AKAP6: variants seen among roughly 807,000 people sequenced by gnomAD.
The protein encoded by AKAP6 is A-kinase anchor protein 6.
AKAP6 carries 58 observed loss-of-function variants against 188.5 expected under a neutral mutation model. That is an observed-to-expected ratio of 0.31 (90% CI 0.25 to 0.38). The LOEUF (loss-of-function observed/expected upper bound fraction) is 0.38. Ranked by LOEUF, AKAP6 falls within the 10% of genes least tolerant of loss-of-function variation. The probability of loss-of-function intolerance (pLI) is 1.00; values close to 1 mark genes in which losing one functional copy is unlikely to be tolerated. For missense variants in AKAP6, 2,710 were observed against 2,740.0 expected (o/e 0.99, Z 0.24); for synonymous variants, 989 against 998.6 (o/e 0.99, Z 0.18).
At chr14:32,360,259 C>T (rs1354142989) in intron 1 of AKAP6, among the ~76,000 whole-genome samples, 1 of 152,030 alleles carries the variant, frequency 6.6e-6, no homozygotes, top group East Asian at 1.9e-4. Context: ...TCCTGAGTAG[C>T]TGGGATTGCA....
intron 7 of AKAP6, among the ~76,000 whole-genome samples, chr14:32,610,466 G>A (rs1484391191): frequency 6.6e-6 from 1 of 152,140 alleles, no homozygotes; most frequent in African/African-American, 2.4e-5. Flanking sequence ...ACTACAACAT[G>A]ATGATGTAGC....
chr14:32,692,708 G>A (rs190506807), intron 8 of AKAP6, among the ~76,000 whole-genome samples: 1 of 152,136 alleles, frequency 6.6e-6, no homozygotes, highest in East Asian at 1.9e-4. Context: ...CATTCACCAG[G>A]GACTATGCTG....
At chr14:32,735,606 G>A (rs527546083) in intron 10 of AKAP6, 52 bp from the exon 11 acceptor site, 2 of 1,317,946 alleles carry the variant, frequency 1.5e-6, no homozygotes, top group African/African-American at 1.5e-5. Context: ...TGTTCGTGGG[G>A]TTTTTTTTTG....
intron 3 of AKAP6, among the ~76,000 whole-genome samples, chr14:32,540,309 C>T (rs1882891503): frequency 6.6e-6 from 1 of 151,390 alleles, no homozygotes; most frequent in African/African-American, 2.4e-5. Flanking sequence ...AGCAATTCTC[C>T]TGCCTCAGCC....
intron 12 of AKAP6, among the ~76,000 whole-genome samples, chr14:32,818,811 C>A (rs566651237): frequency 1.3e-5 from 2 of 152,182 alleles, no homozygotes; most frequent in East Asian, 3.9e-4. Context: ...CCATGTGAGC[C>A]CCTAGGTTTG....
At chr14:32,703,209 T>A (rs1359145235) in intron 9 of AKAP6, among the ~76,000 whole-genome samples, 1 of 149,078 alleles carries the variant, frequency 6.7e-6, no homozygotes, top group Non-Finnish European at 1.5e-5. Flanking sequence ...GGATGGAGAG[T>A]GGAGAGTGAG....
rs534841074 is a variant in AKAP6, at chr14:32,732,765, C to T, written c.3147+165C>T. On this transcript the variant is annotated intron_variant, in intron 10 of 13. Transcript: ENST00000280979. The stretch of plus-strand genomic sequence containing the variant: ...TATTATGGGAAAGACACTGCTTTTC[C>T]TCTTCTGTTGATTTTTTTTTTTTCT... 15 of 813,570 alleles carry T rather than the reference C, an allele frequency of 1.8e-5. No individual in the cohort carries two copies. The South Asian group carries it at 2.3e-4, about 13-fold the overall frequency. The allele number at this position is 813,570 out of a possible 1,614,324, so 50.4% of individuals were successfully genotyped here.
At chr14:32,374,116 C>A (rs1185866914) in intron 1 of AKAP6, among the ~76,000 whole-genome samples, 2 of 152,158 alleles carry the variant, frequency 1.3e-5, no homozygotes, top group Non-Finnish European at 2.9e-5. Context: ...GTCTGGTGTT[C>A]AGTTTAATTC....
intron 7 of AKAP6, among the ~76,000 whole-genome samples, chr14:32,626,648 G>T (rs1887037024): frequency 6.6e-6 from 1 of 151,900 alleles, no homozygotes. Context: ...CCTCAGGGTG[G>T]GTGCTCTTCT....
rs749775072 is a variant in AKAP6, at chr14:32,735,616, GT to G, written c.3148-39del. On this transcript the variant is annotated intron_variant, in intron 10 of 13. Coordinates refer to ENST00000280979, the MANE Select transcript of AKAP6 (RefSeq NM_004274.5). ...TTTGTTGTTCGTGGGGTTTTTTTTT[GT>G]TTGTTTGTTTTATTTTTTGTTTTTT... The G allele has an allele frequency of 2.2e-6, 3 of 1,364,586 alleles. No individual in the cohort carries two copies. In the South Asian group the frequency reaches 4.1e-5, roughly 19 times the overall value. 84.5% of individuals were successfully genotyped at this position (1,364,586 alleles called of 1,614,324 possible).
chr14:32,555,165 C>T (rs768423108), intron 4 of AKAP6, among the ~76,000 whole-genome samples: 1 of 152,160 alleles, frequency 6.6e-6, no homozygotes, highest in Non-Finnish European at 1.5e-5. Flanking sequence ...TGAGTTCTTC[C>T]TCTTTGTAAC....
chr14:32,686,459 T>C, intron 8 of AKAP6, among the ~76,000 whole-genome samples: 1 of 152,304 alleles, frequency 6.6e-6, no homozygotes, highest in East Asian at 1.9e-4. Flanking sequence ...GGATTGTTTG[T>C]AACACAGAGG....
chr14:32,804,822 G>T (rs1455898861), intron 12 of AKAP6, among the ~76,000 whole-genome samples: 1 of 151,934 alleles, frequency 6.6e-6, no homozygotes, highest in East Asian at 1.9e-4. Context: ...CCTTTCCCAG[G>T]GTATTAATAT....
At chr14:32,786,093 A>G (rs1019499573) in intron 12 of AKAP6, among the ~76,000 whole-genome samples, 1 of 152,066 alleles carries the variant, frequency 6.6e-6, no homozygotes, top group African/African-American at 2.4e-5. Context: ...CTGGGGAGAC[A>G]GTAACAATGC....
rs554784743 is a variant in AKAP6, at chr14:32,404,622, G to A, written c.-34-28838G>A. Among the ~76,000 whole-genome samples, 207 of 136,916 alleles carry A rather than the reference G, an allele frequency of 1.5e-3. 1 individual carries two copies. Among genetic ancestry groups the A allele is most frequent in the African/African-American group, 5.3e-3 (199 of 37,256 alleles). The allele number at this position is 136,916 out of a possible 152,430, so 89.8% of individuals were successfully genotyped here. On this transcript the variant is annotated intron_variant, in intron 1 of 13. Transcript: ENST00000280979. ...AATTAGAATATACATATTTAAGGAG[G>A]AGAAAATTTTCCACTTGATGTCTAG... is the stretch of plus-strand genomic sequence containing the variant.
intron 12 of AKAP6, among the ~76,000 whole-genome samples, chr14:32,787,999 C>G (rs868070729): frequency 8.1e-5 from 11 of 135,646 alleles, no homozygotes; most frequent in Admixed American, 7.3e-4. Flanking sequence ...CGTAATTATA[C>G]CACTTCATTC....
At position 32,837,197 on chromosome 14, in the gene AKAP6, T is replaced by C. The variant is rs1467609896; in HGVS notation, c.*7392T>C. On this transcript the variant is annotated 3_prime_UTR_variant, in exon 14 of 14. Coordinates refer to ENST00000280979, the MANE Select transcript of AKAP6 (RefSeq NM_004274.5). ...TAGATTTGGTAATTTTTCCATACCA[T>C]TAAGATGTATGATAATGGATTTTAT... is the stretch of plus-strand genomic sequence containing the variant. The C allele has an allele frequency of 6.6e-6, 1 of 152,222 alleles. No individual in the cohort carries two copies. Among genetic ancestry groups the C allele is most frequent in the African/African-American group, 2.4e-5 (1 of 41,462 alleles). 9.4% of individuals were successfully genotyped at this position (152,222 alleles called of 1,614,324 possible).
intron 9 of AKAP6, among the ~76,000 whole-genome samples, chr14:32,696,346 G>A (rs1344918157): frequency 6.6e-6 from 1 of 152,100 alleles, no homozygotes; most frequent in East Asian, 1.9e-4. Context: ...TTCTATAGAA[G>A]GACAAAGATT....
At chr14:32,796,132 C>T (rs2140071201) in intron 12 of AKAP6, among the ~76,000 whole-genome samples, 1 of 152,070 alleles carries the variant, frequency 6.6e-6, no homozygotes, top group East Asian at 1.9e-4. Flanking sequence ...TCAGAGAGTA[C>T]ATAAACAAAT....
Sources: allele counts gnomAD v4.1 joint callset (sites outside exome capture counted in the v4.1 genomes callset), GRCh38; gene constraint gnomAD v4.1.1; transcripts MANE v1.5; gene names NCBI Gene and HGNC (gene_info 2026-07-23, HGNC 2026-07-21).